The following TRA2B variants were observed in gnomAD, a reference collection of about 807,000 sequenced individuals.
TRA2B encodes transformer 2 beta homolog, also known as transformer-2 protein homolog beta.
TRA2B carries 14 observed loss-of-function variants against 41.7 expected under a neutral mutation model. The ratio of observed to expected loss-of-function variants is 0.34; its 90% CI spans 0.22 to 0.53. The LOEUF (loss-of-function observed/expected upper bound fraction) is 0.53, where lower values mean the gene tolerates loss of function less well. TRA2B is among the 20% of genes least tolerant of loss of function. The probability of loss-of-function intolerance (pLI) is 0.95; values close to 1 mark genes in which losing one functional copy is unlikely to be tolerated. For synonymous variants in TRA2B, 130 were observed against 128.8 expected (o/e 1.01, Z -0.06); for missense variants, 167 against 396.8 (o/e 0.42, Z 4.92).
intron 1 of TRA2B, chr3:185,927,861 C>G (rs1027760201): frequency 3.9e-5 from 6 of 152,192 alleles, no homozygotes; most frequent in Non-Finnish European, 1.5e-5. Context: ...AGTCTGATAG[C>G]TAGGTAAAAT....
In TRA2B at chr3:185,937,914, TTGCAC is replaced by T; in HGVS notation, c.-59_-55del. The T allele has an allele frequency of 6.2e-7, 1 of 1,610,168 alleles. No homozygotes were observed. Among genetic ancestry groups the T allele is most frequent in the East Asian group, 2.2e-5 (1 of 44,832 alleles). On this transcript the variant is annotated 5_prime_UTR_variant, in exon 1 of 9. Coordinates refer to ENST00000453386, the MANE Select transcript of TRA2B (RefSeq NM_004593.3). ...TGCTTCAATCGAAGCTGCCAACCTCTTGCACCTTCCTTAAGGAGGCTCCGCCGCAG... is the reference window on the plus strand; with the variant it reads ...TGCTTCAATCGAAGCTGCCAACCTCTCTTCCTTAAGGAGGCTCCGCCGCAG...
intron 3 of TRA2B, chr3:185,925,015 A>G (rs1411964119): frequency 6.5e-6 from 1 of 152,892 alleles, no homozygotes; most frequent in Non-Finnish European, 1.5e-5. Context: ...AAATCACAAT[A>G]AATATCATCT....
intron 1 of TRA2B, chr3:185,935,693 T>C (rs1744323242): frequency 1.0e-6 from 1 of 985,334 alleles, no homozygotes; most frequent in Non-Finnish European, 1.2e-6. Flanking sequence ...CACAGGCATG[T>C]CTAAGATCAA....
chr3:185,922,470 G>C (rs1743778323), intron 4 of TRA2B: 1 of 165,262 alleles, frequency 6.1e-6, no homozygotes, highest in Admixed American at 6.4e-5. Context: ...TAAATAACTA[G>C]GGGGAAAAAC....
At position 185,921,041 on chromosome 3, in the gene TRA2B, C is replaced by T. The variant is rs545675436; in HGVS notation, c.722+63G>A. 6.4e-4 allele frequency: 896 copies of T among 1,401,998 alleles called. 1 individual carries two copies. Among genetic ancestry groups the T allele is most frequent in the Non-Finnish European group, 8.4e-4 (837 of 1,001,232 alleles). The allele number at this position is 1,401,998 out of a possible 1,614,324, so 86.8% of individuals were successfully genotyped here. A position where few individuals can be genotyped will look rare whatever the true frequency, so the allele number is the denominator to read the frequency against. On this transcript the variant is annotated intron_variant, in intron 6 of 8. Transcript: ENST00000453386. ...CTTTTAACAAAGGCTAAAACTTAAG[C>T]ATAGTGCTGCTCTGTACACTGTACT...
At chr3:185,937,542 G>T in intron 1 of TRA2B, 7 of 993,726 alleles carry the variant, frequency 7.0e-6, no homozygotes, top group Non-Finnish European at 7.8e-6. Context: ...CCGCGGGGAC[G>T]CAGCGGCCAT....
Position 185,917,688 on chromosome 3 carries a change from G to T in TRA2B, c.*27C>A, listed in dbSNP as rs1007096188. 3 of 1,612,194 alleles carry T rather than the reference G, an allele frequency of 1.9e-6. No individual in the cohort carries two copies. The highest frequency in any genetic ancestry group is 1.7e-5 in the Admixed American group (1 of 59,876). On this transcript the variant is annotated 3_prime_UTR_variant, in exon 9 of 9. Coordinates refer to ENST00000453386, the MANE Select transcript of TRA2B (RefSeq NM_004593.3). Reference sequence around the variant, plus strand: ...GCCCACAAACAATATCCCAGCTCTAGGGCAGGTTTCAGAAAGTCTTCATGC... The same window carrying T: ...GCCCACAAACAATATCCCAGCTCTATGGCAGGTTTCAGAAAGTCTTCATGC...
At position 185,926,676 on chromosome 3, in the gene TRA2B, T is replaced by C. The variant is rs1258318487; in HGVS notation, c.95A>G (p.His32Arg). ...CTTGGAGCGAGACCTTGCAGGGGTATGCCTTGCAGATTTCCCCGATCCGTG... is the reference window on the plus strand; with the variant it reads ...CTTGGAGCGAGACCTTGCAGGGGTACGCCTTGCAGATTTCCCCGATCCGTG... The part of the protein sequence containing the change: ...SAHGSGKSAR[H>R]TPARSRSKED... The change falls in exon 2 of 9, where the codon CAT (histidine) becomes CGT (arginine). Residue 32 changes from histidine (H) to arginine (R), a missense_variant. Physicochemically the swap from His to Arg is conservative, Grantham distance 29. Transcript: ENST00000453386. The C allele has an allele frequency of 6.2e-7, 1 of 1,614,170 alleles. No individual in the cohort carries two copies. Among genetic ancestry groups the C allele is most frequent in the Non-Finnish European group, 8.5e-7 (1 of 1,180,012 alleles).
intron 8 of TRA2B, among the ~76,000 whole-genome samples, chr3:185,918,031 A>G (rs1743569466): frequency 6.6e-6 from 1 of 152,030 alleles, no homozygotes; most frequent in East Asian, 1.9e-4. Flanking sequence ...GTGGAAATAC[A>G]TTATTTACTG....
chr3:185,924,323 ACT>A (rs139599733), intron 3 of TRA2B: 210 of 193,124 alleles, frequency 1.1e-3, no homozygotes, highest in East Asian at 6.8e-3. Flanking sequence ...CTGGAACCAC[ACT>A]GTGTCTATCA....
At chr3:185,920,367 T>C (rs1743671707) in intron 6 of TRA2B, among the ~76,000 whole-genome samples, 2 of 152,182 alleles carry the variant, frequency 1.3e-5, no homozygotes, top group Admixed American at 1.3e-4. Context: ...ATTTTTTCTT[T>C]TAAGGTGGGG....
At chr3:185,931,633 C>A in intron 1 of TRA2B, 1 of 1,289,628 alleles carries the variant, frequency 7.8e-7, no homozygotes, top group Non-Finnish European at 9.8e-7. Context: ...ATTTTTATTT[C>A]TTTTCTTCAT....
chr3:185,935,443 C>A (rs1317980032), intron 1 of TRA2B: 1 of 985,276 alleles, frequency 1.0e-6, no homozygotes, highest in Non-Finnish European at 1.2e-6. Context: ...ATTGAGTGAT[C>A]AAACTGAGAA....
chr3:185,925,523 T>C lies in TRA2B; in HGVS notation c.274A>G (p.Arg92Gly). 3 of 1,614,194 alleles carry C rather than the reference T, an allele frequency of 1.9e-6. No individual in the cohort carries two copies. Among genetic ancestry groups the C allele is most frequent in the Non-Finnish European group, 2.5e-6 (3 of 1,180,022 alleles). The change falls in exon 3 of 9, where the codon AGA (arginine) becomes GGA (glycine). Residue 92 changes from arginine (R) to glycine (G), a missense_variant. Coordinates refer to ENST00000453386, the MANE Select transcript of TRA2B (RefSeq NM_004593.3). The part of the protein sequence containing the change: ...RSRSYSRDYR[R>G]RHSHSHSPMS... ...GGAGAATGGCTGTGGCTGTGCCGTC[T>C]ACGATAATCTCGACTGTAAGACCTG...
intron 6 of TRA2B, 55 bp downstream of exon 6, chr3:185,921,049 T>C: frequency 1.4e-6 from 2 of 1,460,400 alleles, no homozygotes; most frequent in Non-Finnish European, 1.9e-6. Flanking sequence ...AGCATAGTGC[T>C]GCTCTGTACA....
intron 1 of TRA2B, among the ~76,000 whole-genome samples, chr3:185,932,137 T>C (rs1481009526): frequency 2.0e-5 from 3 of 152,188 alleles, no homozygotes; most frequent in Non-Finnish European, 4.4e-5. Flanking sequence ...TTAAGAACTA[T>C]TAGTTACATT....
At chr3:185,923,767 G>C in intron 4 of TRA2B, 29 bp downstream of exon 4, 1 of 1,577,966 alleles carries the variant, frequency 6.3e-7, no homozygotes, top group Non-Finnish European at 8.6e-7. Flanking sequence ...TAGAACTGAT[G>C]GTTTACAAAG....
intron 1 of TRA2B, chr3:185,937,572 T>A: frequency 1.5e-6 from 1 of 654,890 alleles, no homozygotes; most frequent in Non-Finnish European, 1.9e-6. Context: ...CCCCCTCTTA[T>A]AACGGGAAAA....
chr3:185,934,998 T>C, intron 1 of TRA2B: 1 of 985,452 alleles, frequency 1.0e-6, no homozygotes, highest in Non-Finnish European at 1.2e-6. Context: ...AGAAACTCAT[T>C]ACAATATTGA....
Sources: gnomAD v4.1 joint callset for allele counts (sites outside exome capture counted in the v4.1 genomes callset) on GRCh38, gnomAD v4.1.1 for gene constraint, MANE v1.5 for transcripts, NCBI Gene and HGNC (gene_info 2026-07-23, HGNC 2026-07-21) for gene names.